Variants in KIAA0825 observed in about 807,000 individuals in gnomAD.
The protein encoded by KIAA0825 is KIAA0825, also known as uncharacterized protein KIAA0825.
KIAA0825 carries 119 observed loss-of-function variants against 147.6 expected under a neutral mutation model. The observed-to-expected ratio is 0.81, with a 90% CI of 0.69 to 0.94. The LOEUF is 0.94. Ranked by LOEUF, KIAA0825 falls within the 40% of genes least tolerant of loss-of-function variation. KIAA0825 has a pLI of 0.00. For synonymous variants in KIAA0825, 470 were observed against 518.1 expected (o/e 0.91, Z 1.26); for missense variants, 1,381 against 1,472.7 (o/e 0.94, Z 1.02).
chr5:94,325,690 G>T (rs549461471), intron 20 of KIAA0825, among the ~76,000 whole-genome samples: 30 of 151,948 alleles, frequency 2.0e-4, no homozygotes, highest in Admixed American at 5.9e-4. Context: ...AGGAATTTTT[G>T]ATGAATTGTA....
rs1046414520 is a variant in KIAA0825 at position 94,329,182 on chromosome 5, G to A, written c.3710+55186C>T. The stretch of plus-strand genomic sequence containing the variant: ...ACAAAAAGAAGCACAGACATAGAAG[G>A]TTTTTTTTAATTGAGAAAATAAGAT... On this transcript the variant is annotated intron_variant, in intron 20 of 20. Transcript: ENST00000682413. Among the ~76,000 whole-genome samples, 4 of 151,602 alleles carry A rather than the reference G, an allele frequency of 2.6e-5. No homozygotes were observed. In the South Asian group the frequency reaches 8.3e-4, roughly 32 times the overall value.
At chr5:94,426,489 G>A (rs563799571) in intron 14 of KIAA0825, among the ~76,000 whole-genome samples, 2 of 152,228 alleles carry the variant, frequency 1.3e-5, no homozygotes, top group East Asian at 3.9e-4. Flanking sequence ...ACTCATATGT[G>A]GAGGCTATAA....
intron 20 of KIAA0825, among the ~76,000 whole-genome samples, chr5:94,158,732 T>A (rs1002976384): frequency 6.6e-6 from 1 of 152,174 alleles, no homozygotes; most frequent in East Asian, 1.9e-4. Flanking sequence ...AAATCCCTTA[T>A]AAGCAGTGTG....
At chr5:94,192,117 T>G (rs1024841960) in intron 20 of KIAA0825, among the ~76,000 whole-genome samples, 1 of 152,264 alleles carries the variant, frequency 6.6e-6, no homozygotes, top group African/African-American at 2.4e-5. Flanking sequence ...CTTAGCTACT[T>G]GAAATGTTTT....
chr5:94,207,082 C>A (rs2150036100), intron 20 of KIAA0825, among the ~76,000 whole-genome samples: 1 of 152,180 alleles, frequency 6.6e-6, no homozygotes, highest in Admixed American at 6.5e-5. Context: ...ATTGAGCCAG[C>A]AATGTTCTTT....
intron 18 of KIAA0825, 89 bp downstream of exon 18, chr5:94,391,446 T>C (rs777700525): frequency 3.1e-5 from 40 of 1,284,812 alleles, no homozygotes; most frequent in Non-Finnish European, 4.2e-5. Flanking sequence ...AGAAGTATTA[T>C]CACCTCCTTG....
chr5:94,523,924 T>C lies in KIAA0825; in HGVS notation c.300+6A>G. 2 of 1,569,932 alleles carry C rather than the reference T, an allele frequency of 1.3e-6. No homozygotes were observed. The highest frequency in any genetic ancestry group is 1.7e-6 in the Non-Finnish European group (2 of 1,147,490). On this transcript the variant is annotated splice_donor_region_variant and intron_variant, in intron 4 of 20. Coordinates refer to ENST00000682413, the MANE Select transcript of KIAA0825 (RefSeq NM_001145678.3). ...CACTCCATGATAAAATAAAAATTCA[T>C]TTTACCAGTGTTTTGAAAAATTTTA...
rs529835540 is a variant in KIAA0825, at chr5:94,474,359, T to C, written c.1228-840A>G. 3.9e-5 allele frequency among the ~76,000 whole-genome samples: 6 copies of C among 152,312 alleles called. No homozygotes were observed. The South Asian group carries it at 1.2e-3, about 32-fold the overall frequency. On this transcript the variant is annotated intron_variant, in intron 7 of 20. Coordinates refer to ENST00000682413, the MANE Select transcript of KIAA0825 (RefSeq NM_001145678.3). ...AGCAGGCTGAACCTATGCTTAGGAT[T>C]CAACTTTCCCTGTTTTAATGTAACT...
chr5:94,538,326 A>C (rs1375550506), intron 2 of KIAA0825, among the ~76,000 whole-genome samples: 1 of 152,210 alleles, frequency 6.6e-6, no homozygotes, highest in Non-Finnish European at 1.5e-5. Flanking sequence ...ATTTGAGAAG[A>C]AATAAGTGCA....
chr5:94,600,374 CTTATATTTCCTTATAT>C (rs922427785), intron 1 of KIAA0825, among the ~76,000 whole-genome samples: 5 of 151,422 alleles, frequency 3.3e-5, no homozygotes, highest in South Asian at 2.1e-4. Context: ...ATATATATTC[CTTATATTTCCTTATAT>C]TTATATTTCC....
chr5:94,160,053 C>T (rs1767406933), intron 20 of KIAA0825, among the ~76,000 whole-genome samples: 1 of 152,060 alleles, frequency 6.6e-6, no homozygotes, highest in African/African-American at 2.4e-5. Context: ...GTCTGTCTCT[C>T]CTCCACATTG....
chr5:94,302,754 T>G (rs1480017664), intron 20 of KIAA0825, among the ~76,000 whole-genome samples: 1 of 152,094 alleles, frequency 6.6e-6, no homozygotes, highest in Non-Finnish European at 1.5e-5. Flanking sequence ...TCTCTAACAA[T>G]GTATTTACAG....
rs1584337463 is a variant in KIAA0825 at position 94,386,464 on chromosome 5, A to G, written c.3457-60T>C. On this transcript the variant is annotated intron_variant, in intron 18 of 20. Coordinates refer to ENST00000682413, the MANE Select transcript of KIAA0825 (RefSeq NM_001145678.3). ...AGAAGCAGACATTCTCTGTAAAAAT[A>G]AACTGATCAATATCCAAATTTATCC... 9 of 1,367,864 alleles carry G rather than the reference A, an allele frequency of 6.6e-6. No individual in the cohort carries two copies. The South Asian group carries it at 1.1e-4, about 16-fold the overall frequency. 84.7% of individuals were successfully genotyped at this position (1,367,864 alleles called of 1,614,324 possible).
chr5:94,281,198 A>AACACAC (rs34358354), intron 20 of KIAA0825, among the ~76,000 whole-genome samples: 4,375 of 145,048 alleles, frequency 0.03, 85 homozygotes, highest in Admixed American at 0.039. Context: ...TAAGTGATTT[A>AACACAC]ACACACACAC....
chr5:94,535,207 C>T (rs914267852), intron 3 of KIAA0825, among the ~76,000 whole-genome samples: 1 of 151,628 alleles, frequency 6.6e-6, no homozygotes, highest in Admixed American at 6.6e-5. Flanking sequence ...GAGCATTTAC[C>T]TTAGAAAGCT....
chr5:94,285,781 T>C lies in KIAA0825; in HGVS notation c.3710+98587A>G, dbSNP rs149929166. 4.5e-4 allele frequency among the ~76,000 whole-genome samples: 68 copies of C among 152,288 alleles called. No homozygotes were observed. The East Asian group carries it at 0.01, about 22-fold the overall frequency. On this transcript the variant is annotated intron_variant, in intron 20 of 20. Transcript: ENST00000682413. ...ATGCCAAAGCTGATGGTATCACTTT[T>C]GATCCTCTCCTCACAGCTCTTAGAC...
intron 2 of KIAA0825, among the ~76,000 whole-genome samples, chr5:94,563,312 C>G (rs914555844): frequency 6.6e-6 from 1 of 151,082 alleles, no homozygotes; most frequent in African/African-American, 2.4e-5. Flanking sequence ...GAGCCGTGAT[C>G]GCACCACTGC....
intron 2 of KIAA0825, among the ~76,000 whole-genome samples, chr5:94,563,215 G>A (rs1282958361): frequency 1.3e-5 from 2 of 151,126 alleles, no homozygotes; most frequent in African/African-American, 2.4e-5. Flanking sequence ...AAAATCAGCT[G>A]GGCGTGGTGG....
intron 4 of KIAA0825, among the ~76,000 whole-genome samples, chr5:94,521,297 G>C (rs1335902956): frequency 6.6e-6 from 1 of 151,638 alleles, no homozygotes; most frequent in Admixed American, 6.6e-5. Flanking sequence ...ATAGATTCAA[G>C]ATCATGCCCC....
Sources: gnomAD v4.1 joint callset for allele counts (sites outside exome capture counted in the v4.1 genomes callset) on GRCh38, gnomAD v4.1.1 for gene constraint, MANE v1.5 for transcripts, NCBI Gene and HGNC (gene_info 2026-07-23, HGNC 2026-07-21) for gene names.